PER3: variants seen among roughly 807,000 people sequenced by gnomAD.
PER3 encodes the protein period circadian protein homolog 3.
In PER3, 107 loss-of-function variants were observed where a neutral mutation model predicts 127.2. The observed-to-expected ratio is 0.84, with a 90% confidence interval of 0.72 to 0.99. The LOEUF is 0.99. Ranked by LOEUF, PER3 falls within the 50% of genes least tolerant of loss-of-function variation. The pLI is 0.00. For synonymous variants in PER3, 618 were observed against 585.8 expected (o/e 1.05, Z -0.79); for missense variants, 1,560 against 1,525.8 (o/e 1.02, Z -0.37).
At position 7,827,783 on chromosome 1, in the gene PER3, A is replaced by T; in HGVS notation, c.2854A>T (p.Met952Leu). The T allele has an allele frequency of 3.1e-6, 5 of 1,613,728 alleles. No homozygotes were observed. The highest frequency in any genetic ancestry group is 4.2e-6 in the Non-Finnish European group (5 of 1,179,808). ...MPRPSESPDQ[M>L]RRNTCPQTEY... ...CAGACCCTCTGAATCTCCAGATCAGATGAGAAGGAACACGTGCCCACAAAC... is the reference window on the plus strand; with the variant it reads ...CAGACCCTCTGAATCTCCAGATCAGTTGAGAAGGAACACGTGCCCACAAAC... The change falls in exon 18 of 22, where the codon ATG becomes TTG. Residue 952 changes from methionine to leucine, a missense_variant. Around this residue, in one of 3 missense-constraint regions of PER3, gnomAD observed 1,332 missense variants for 1,223.6 expected, o/e 1.09. Coordinates refer to ENST00000377532, the MANE Select transcript of PER3 (RefSeq NM_001377275.1).
intron 16 of PER3, among the ~76,000 whole-genome samples, chr1:7,824,620 T>C (rs1373495483): frequency 6.6e-6 from 1 of 152,248 alleles, no homozygotes; most frequent in Non-Finnish European, 1.5e-5. Flanking sequence ...TATATTTGTA[T>C]TCCTATAAAT....
intron 10 of PER3, among the ~76,000 whole-genome samples, chr1:7,807,636 CT>C (rs938375474): frequency 6.6e-6 from 1 of 152,206 alleles, no homozygotes; most frequent in Non-Finnish European, 1.5e-5. Flanking sequence ...CATCCCCTGA[CT>C]TTGTGTATCG....
chr1:7,802,946 T>C (rs923487509), intron 8 of PER3, 101 bp from the exon 9 acceptor site: 1 of 767,596 alleles, frequency 1.3e-6, no homozygotes, highest in Non-Finnish European at 2.4e-6. Flanking sequence ...CAGCTTTGCA[T>C]AAAATTGTCT....
intron 21 of PER3, among the ~76,000 whole-genome samples, chr1:7,838,898 ATC>A (rs1248121396): frequency 1.3e-5 from 2 of 152,318 alleles, no homozygotes; most frequent in East Asian, 3.9e-4. Context: ...GGTTCAGTCA[ATC>A]TCTGTCTTTT....
intron 19 of PER3, among the ~76,000 whole-genome samples, chr1:7,833,545 T>G (rs1558477512): frequency 6.6e-6 from 1 of 152,234 alleles, no homozygotes; most frequent in Non-Finnish European, 1.5e-5. Context: ...CTGATATCAG[T>G]GTATCCAGTC....
At chr1:7,824,993 G>A (rs1397260918) in intron 16 of PER3, among the ~76,000 whole-genome samples, 1 of 151,980 alleles carries the variant, frequency 6.6e-6, no homozygotes, top group Non-Finnish European at 1.5e-5. Context: ...CTTATCCTCG[G>A]GGGTCACTTT....
At chr1:7,825,440 G>A (rs534163742) in intron 16 of PER3, among the ~76,000 whole-genome samples, 1 of 152,326 alleles carries the variant, frequency 6.6e-6, no homozygotes, top group South Asian at 2.1e-4. Context: ...CTCCGCAGCA[G>A]TGTAGAAGTA....
chr1:7,804,841 A>T (rs2097186160), intron 10 of PER3, among the ~76,000 whole-genome samples: 1 of 147,750 alleles, frequency 6.8e-6, no homozygotes, highest in Admixed American at 6.9e-5. Context: ...AGGCTACAGT[A>T]CCCCTACCCC....
chr1:7,796,630 A>G (rs923077688), intron 6 of PER3, among the ~76,000 whole-genome samples: 1 of 151,954 alleles, frequency 6.6e-6, no homozygotes, highest in Admixed American at 6.6e-5. Context: ...ACAGTTTCCA[A>G]TATGAAAGAC....
At position 7,809,970 on chromosome 1, in the gene PER3, C is replaced by T; in HGVS notation, c.1320C>T (p.Ala440=). ...CGCAGGAGCAGCTTGTCAGCATCGC[C>T]TCCTCCAGTGAGGCCAGTGGGCACC... ...SGSQEQLVSI[A]SSSEASGHRV... is the part of the protein sequence containing the mutation. The change falls in exon 12 of 22, where the codon GCC becomes GCT. Residue 440 remains alanine, a synonymous_variant. Transcript: ENST00000377532. 1 of 1,614,078 alleles carries T rather than the reference C, an allele frequency of 6.2e-7. No homozygotes were observed. Among genetic ancestry groups the T allele is most frequent in the Non-Finnish European group, 8.5e-7 (1 of 1,179,916 alleles).
intron 8 of PER3, 90 bp downstream of exon 8, chr1:7,801,281 TTATG>T (rs2150683558): frequency 1.3e-6 from 1 of 762,318 alleles, no homozygotes; most frequent in East Asian, 2.6e-5. Flanking sequence ...TGTTTATACA[TTATG>T]TAATTGAAAT....
chr1:7,817,640 G>A (rs757338759), intron 13 of PER3, among the ~76,000 whole-genome samples: 2 of 152,168 alleles, frequency 1.3e-5, no homozygotes, highest in Non-Finnish European at 2.9e-5. Flanking sequence ...GAACTCCATG[G>A]TGCTGGATTG....
At position 7,820,580 on chromosome 1, in the gene PER3, T is replaced by A. The variant is rs757725458; in HGVS notation, c.1897T>A (p.Ser633Thr). 2 of 1,614,040 alleles carry A rather than the reference T, an allele frequency of 1.2e-6. No homozygotes were observed. Among genetic ancestry groups the A allele is most frequent in the African/African-American group, 1.3e-5 (1 of 74,910 alleles). The change falls in exon 16 of 22, where the codon TCG (serine) becomes ACG (threonine). Residue 633 changes from serine (S) to threonine (T), a missense_variant. Transcript: ENST00000377532. ...GTCCACGGCGATGCTGAGCTTGGGG[T>A]CGGGCATAAGCCAATGCGGTTACAG... ...ILSTAMLSLG[S>T]GISQCGYSST...
chr1:7,837,166 T>C lies in PER3; in HGVS notation c.3549+17T>C. On this transcript the variant is annotated intron_variant, in intron 21 of 21. Coordinates refer to ENST00000377532, the MANE Select transcript of PER3 (RefSeq NM_001377275.1). ...GACATTCAAGTAAGCACAGTAATAATGGCTGTCATATACTCATGTATTTTG... is the reference window on the plus strand; with the variant it reads ...GACATTCAAGTAAGCACAGTAATAACGGCTGTCATATACTCATGTATTTTG... 3 of 1,610,236 alleles carry C rather than the reference T, an allele frequency of 1.9e-6. No individual in the cohort carries two copies. Among genetic ancestry groups the C allele is most frequent in the Middle Eastern group, 1.7e-4 (1 of 6,000 alleles).
intron 11 of PER3, 109 bp downstream of exon 11, chr1:7,809,107 C>G: frequency 1.7e-6 from 1 of 593,804 alleles, no homozygotes; most frequent in Non-Finnish European, 3.0e-6. Context: ...AATCTTTGCC[C>G]TCTACATTCC....
chr1:7,809,017 A>C lies in PER3; in HGVS notation c.1242+19A>C, dbSNP rs1577772507. On this transcript the variant is annotated intron_variant, in intron 11 of 21. Transcript: ENST00000377532. ...CTTACAGGTAAGGTGAGATTGTTAAAAATGCAAAGTTCCCTGAATTGTGTT... is the reference window on the plus strand; with the variant it reads ...CTTACAGGTAAGGTGAGATTGTTAACAATGCAAAGTTCCCTGAATTGTGTT... The C allele has an allele frequency of 3.4e-6, 4 of 1,184,710 alleles. No homozygotes were observed. Among genetic ancestry groups the C allele is most frequent in the Non-Finnish European group, 5.0e-6 (4 of 800,864 alleles). 73.4% of individuals were successfully genotyped at this position (1,184,710 alleles called of 1,614,324 possible).
At chr1:7,829,597 AT>A (rs770899012) in intron 18 of PER3, among the ~76,000 whole-genome samples, 5 of 152,236 alleles carry the variant, frequency 3.3e-5, no homozygotes, top group Non-Finnish European at 7.3e-5. Context: ...TAAAGGGATG[AT>A]TCCTATCACA....
intron 10 of PER3, among the ~76,000 whole-genome samples, chr1:7,808,161 T>C (rs2097203296): frequency 7.4e-6 from 1 of 134,536 alleles, no homozygotes; most frequent in Non-Finnish European, 1.5e-5. Flanking sequence ...TGAACCTGGG[T>C]GGCAAAGATT....
chr1:7,810,874 T>A (rs1001740605), intron 13 of PER3, among the ~76,000 whole-genome samples: 1 of 152,210 alleles, frequency 6.6e-6, no homozygotes. Context: ...TAGATTTCCC[T>A]CCCTACATGG....
Sources: gnomAD v4.1 joint callset for allele counts (sites outside exome capture counted in the v4.1 genomes callset) on GRCh38, gnomAD v4.1.1 for gene constraint, gnomAD v4.1.1 regional missense constraint, MANE v1.5 for transcripts, NCBI Gene and HGNC (gene_info 2026-07-23, HGNC 2026-07-21) for gene names.